The following KLHL4 variants were observed in gnomAD, a reference collection of about 807,000 sequenced individuals.
The protein encoded by KLHL4 is kelch-like protein 4.
KLHL4 carries 17 observed loss-of-function variants against 45.8 expected under a neutral mutation model. The ratio of observed to expected loss-of-function variants is 0.37; its 90% confidence interval spans 0.25 to 0.56. KLHL4 has a LOEUF of 0.56. Ranked by LOEUF, KLHL4 falls within the 20% of genes least tolerant of loss-of-function variation. The probability of loss-of-function intolerance (pLI) is 0.79; values close to 1 mark genes in which losing one functional copy is unlikely to be tolerated. For missense variants in KLHL4, 544 were observed against 544.9 expected (o/e 1.00, Z 0.02); for synonymous variants, 224 against 189.9 (o/e 1.18, Z -1.47).
chrX:87,572,037 A>G, intron 1 of KLHL4, among the ~76,000 whole-genome samples: 1 of 96,957 alleles, frequency 1.0e-5, no homozygotes, highest in Middle Eastern at 4.9e-3. Context: ...ACTAACAAAA[A>G]TAAAAAATAA....
At chrX:87,661,178 A>G (rs1924175541) in intron 9 of KLHL4, among the ~76,000 whole-genome samples, 1 of 111,990 alleles carries the variant, frequency 8.9e-6, no homozygotes. Flanking sequence ...CTAGCAAGAT[A>G]GTTTTCATTT....
chrX:87,553,237 A>G (rs1430073542), intron 1 of KLHL4, among the ~76,000 whole-genome samples: 1 of 111,227 alleles, frequency 9.0e-6, no homozygotes, highest in African/African-American at 3.3e-5. Flanking sequence ...GTAGAAATCA[A>G]TACATTTACA....
intron 10 of KLHL4, among the ~76,000 whole-genome samples, chrX:87,665,300 T>C (rs1924332094): frequency 8.9e-6 from 1 of 112,019 alleles, no homozygotes; most frequent in Non-Finnish European, 1.9e-5. Flanking sequence ...TATGTATATG[T>C]TGTGACCTGA....
chrX:87,606,455 C>A (rs1922200680), intron 1 of KLHL4, among the ~76,000 whole-genome samples: 1 of 109,676 alleles, frequency 9.1e-6, no homozygotes, highest in Non-Finnish European at 1.9e-5. Flanking sequence ...ATTTGAAAAA[C>A]TAAACAAAAA....
At chrX:87,660,926 T>C (rs773662988) in intron 9 of KLHL4, among the ~76,000 whole-genome samples, 53 of 112,306 alleles carry the variant, frequency 4.7e-4, no homozygotes, top group African/African-American at 1.3e-3. Context: ...AGGAGAAAGA[T>C]TGATATGGAA....
intron 1 of KLHL4, among the ~76,000 whole-genome samples, chrX:87,600,816 G>C (rs747755920): frequency 1.8e-5 from 2 of 111,047 alleles, no homozygotes; most frequent in Non-Finnish European, 3.8e-5. Context: ...GAGAAATACT[G>C]TTTATTTTCG....
In KLHL4 at chrX:87,635,586, A is replaced by G. The variant is rs1304131631; in HGVS notation, c.1736A>G (p.Asp579Gly). 8.3e-7 allele frequency: 1 copy of G among 1,210,279 alleles called. No individual in the cohort carries two copies. Among genetic ancestry groups the G allele is most frequent in the South Asian group, 1.8e-5 (1 of 56,900 alleles). ...NNKLYAIGGR[D>G]GSSCLKSMEY... ...AGATTATATGCTATTGGTGGACGTG[A>G]TGGAAGTTCCTGCCTCAAATCAATG... Residue 579 changes from aspartate to glycine, a missense_variant, in exon 9 of 11, where the codon GAT becomes GGT. Coordinates refer to ENST00000373119, the MANE Select transcript of KLHL4 (RefSeq NM_019117.5).
At chrX:87,535,056 A>C (rs1931400491) in intron 1 of KLHL4, among the ~76,000 whole-genome samples, 1 of 112,201 alleles carries the variant, frequency 8.9e-6, no homozygotes, top group Non-Finnish European at 1.9e-5. Context: ...ATAAATGATT[A>C]GAACAAGTAC....
At chrX:87,553,106 AAAAT>A (rs1269607723) in intron 1 of KLHL4, among the ~76,000 whole-genome samples, 10 of 110,646 alleles carry the variant, frequency 9.0e-5, no homozygotes, top group Non-Finnish European at 1.9e-4. Flanking sequence ...ACAATAATTA[AAAAT>A]AAATAAAGTA....
At chrX:87,530,583 C>T (rs1931241235) in intron 1 of KLHL4, among the ~76,000 whole-genome samples, 1 of 105,787 alleles carries the variant, frequency 9.5e-6, no homozygotes, top group Admixed American at 1.0e-4. Flanking sequence ...ATCCATGTCC[C>T]TACAAAGGAC....
chrX:87,534,364 C>T (rs1167648901), intron 1 of KLHL4, among the ~76,000 whole-genome samples: 1 of 110,949 alleles, frequency 9.0e-6, no homozygotes, highest in African/African-American at 3.3e-5. Context: ...GTAATATTGA[C>T]TCAGGAACCA....
intron 1 of KLHL4, among the ~76,000 whole-genome samples, chrX:87,529,295 A>G (rs1254969055): frequency 9.0e-6 from 1 of 111,571 alleles, no homozygotes; most frequent in Non-Finnish European, 1.9e-5. Context: ...TCATAATCCA[A>G]CTCAAAATAC....
At chrX:87,591,924 C>G (rs1197615202) in intron 1 of KLHL4, among the ~76,000 whole-genome samples, 1 of 110,844 alleles carries the variant, frequency 9.0e-6, no homozygotes. Flanking sequence ...TGCAGTCACC[C>G]CGTTGTGCTA....
chrX:87,552,975 T>G (rs944370805), intron 1 of KLHL4, among the ~76,000 whole-genome samples: 5 of 111,125 alleles, frequency 4.5e-5, no homozygotes, highest in Non-Finnish European at 9.5e-5. Context: ...TATTTGCAAC[T>G]CAAAGGATAA....
intron 1 of KLHL4, among the ~76,000 whole-genome samples, chrX:87,606,636 C>T (rs1203394874): frequency 1.8e-5 from 2 of 109,615 alleles, no homozygotes; most frequent in Non-Finnish European, 3.8e-5. Context: ...ACACATGCAC[C>T]CTATCAAGAT....
At position 87,633,899 on chromosome X, in the gene KLHL4, C is replaced by T; in HGVS notation, c.1700C>T (p.Ala567Val). ...STPRSTVGVVALNNKLYAIGG... is the reference protein window; with the variant it reads ...STPRSTVGVVVLNNKLYAIGG... ...CCTAGAAGCACAGTTGGTGTTGTTG[C>T]ATTAAACAACAAGTGAGTAAGTTGA... The change falls in exon 8 of 11, where the codon GCA becomes GTA. Residue 567 changes from alanine (A) to valine (V), a missense_variant. Ala to Val is a moderately conservative substitution (Grantham distance 64). Coordinates refer to ENST00000373119, the MANE Select transcript of KLHL4 (RefSeq NM_019117.5). 1 of 1,201,097 alleles carries T rather than the reference C, an allele frequency of 8.3e-7. No individual in the cohort carries two copies. The highest frequency in any genetic ancestry group is 2.2e-5 in the Admixed American group (1 of 44,901).
chrX:87,644,409 C>T (rs188766336), intron 9 of KLHL4, among the ~76,000 whole-genome samples: 3 of 111,482 alleles, frequency 2.7e-5, no homozygotes, highest in African/African-American at 9.8e-5. Context: ...CCATAGATGA[C>T]ACCAAGAAAT....
intron 9 of KLHL4, among the ~76,000 whole-genome samples, chrX:87,662,291 TA>T (rs1462197981): frequency 9.0e-6 from 1 of 111,454 alleles, no homozygotes; most frequent in East Asian, 2.8e-4. Flanking sequence ...ATTAAAAAAT[TA>T]AAAAATATAA....
rs1178733729 is a variant in KLHL4 at position 87,659,113 on chromosome X, CTTTTTTTT to C, written c.1926-5634_1926-5627del. On this transcript the variant is annotated intron_variant, in intron 9 of 10. Coordinates refer to ENST00000373119, the MANE Select transcript of KLHL4 (RefSeq NM_019117.5). ...TTCATATTTCTTTATTCTTTTCTTT[CTTTTTTTT>C]TTTTTTTTTTTTTTTTGAGGTGGAG... Among the ~76,000 whole-genome samples the C allele has an allele frequency of 2.0e-3, 89 of 45,111 alleles. 1 individual carries two copies. The highest frequency in any genetic ancestry group is 8.9e-3 in the African/African-American group (85 of 9,569). 39.2% of individuals were successfully genotyped at this position (45,111 alleles called of 115,157 possible).
Sources: gnomAD v4.1 joint callset for allele counts (sites outside exome capture counted in the v4.1 genomes callset) on GRCh38, gnomAD v4.1.1 for gene constraint, MANE v1.5 for transcripts, NCBI Gene and HGNC (gene_info 2026-07-23, HGNC 2026-07-21) for gene names.